Variants in NDST4 observed in about 807,000 individuals in gnomAD.
The protein encoded by NDST4 is N-deacetylase and N-sulfotransferase 4.
A neutral mutation model predicts 100.8 loss-of-function variants in NDST4; 63 were observed. The observed-to-expected ratio is 0.62, with a 90% CI of 0.51 to 0.77. NDST4 has a LOEUF of 0.77. Ranked by LOEUF, NDST4 falls within the 30% of genes least tolerant of loss-of-function variation. The pLI, the probability that NDST4 is intolerant of heterozygous loss-of-function variation, is 0.00. For synonymous variants in NDST4, 377 were observed against 361.8 expected, an observed-to-expected ratio of 1.04 and a Z score of -0.48; for missense variants, 943 against 1,018.4, an observed-to-expected ratio of 0.93 and a Z score of 1.01.
chr4:115,053,208 A>G (rs1018380017), intron 2 of NDST4, among the ~76,000 whole-genome samples: 3 of 152,158 alleles, frequency 2.0e-5, no homozygotes, highest in Non-Finnish European at 4.4e-5. Context: ...GGCAATTTAA[A>G]TAAAATTGTG....
At chr4:115,079,530 C>T (rs1370706407) in intron 1 of NDST4, among the ~76,000 whole-genome samples, 7 of 152,046 alleles carry the variant, frequency 4.6e-5, no homozygotes, top group East Asian at 1.9e-4. Context: ...AAATAATTTT[C>T]GATTTCCCAG....
chr4:114,844,742 T>G (rs772688670), intron 10 of NDST4, among the ~76,000 whole-genome samples: 11 of 152,228 alleles, frequency 7.2e-5, no homozygotes, highest in Non-Finnish European at 1.2e-4. Flanking sequence ...TGCAGAATAT[T>G]CCATTTTAGT....
chr4:115,054,710 G>C (rs1728656567), intron 2 of NDST4, among the ~76,000 whole-genome samples: 1 of 152,212 alleles, frequency 6.6e-6, no homozygotes, highest in Admixed American at 6.5e-5. Flanking sequence ...ATGGCAGTCA[G>C]TGATGCACTA....
At chr4:114,830,136 A>G (rs886330232) in intron 12 of NDST4, among the ~76,000 whole-genome samples, 1 of 152,328 alleles carries the variant, frequency 6.6e-6, no homozygotes, top group African/African-American at 2.4e-5. Context: ...TTACTTTTAC[A>G]TGAACATTTT....
intron 2 of NDST4, among the ~76,000 whole-genome samples, chr4:114,998,194 T>G (rs2126254640): frequency 6.6e-6 from 1 of 152,244 alleles, no homozygotes; most frequent in African/African-American, 2.4e-5. Flanking sequence ...TCCACAAAAC[T>G]TGGTGTTTGC....
chr4:114,936,453 A>C (rs533363743), intron 5 of NDST4, among the ~76,000 whole-genome samples: 2 of 152,306 alleles, frequency 1.3e-5, no homozygotes, highest in East Asian at 3.9e-4. Flanking sequence ...TAGATAGATA[A>C]ATAGATGATA....
chr4:114,890,771 C>G (rs184124071), intron 6 of NDST4, among the ~76,000 whole-genome samples: 2 of 152,068 alleles, frequency 1.3e-5, no homozygotes, highest in African/African-American at 4.8e-5. Flanking sequence ...TATTAATTAA[C>G]CATTCCCTGC....
intron 7 of NDST4, among the ~76,000 whole-genome samples, chr4:114,859,679 G>T (rs1723876162): frequency 6.6e-6 from 1 of 152,154 alleles, no homozygotes; most frequent in Non-Finnish European, 1.5e-5. Context: ...TCACTCTCAG[G>T]GGATAGCCCA....
At chr4:115,055,164 A>G (rs1326989208) in intron 2 of NDST4, among the ~76,000 whole-genome samples, 1 of 152,142 alleles carries the variant, frequency 6.6e-6, no homozygotes, top group Non-Finnish European at 1.5e-5. Flanking sequence ...ATGATCTGCC[A>G]CTGTCTCCCA....
intron 6 of NDST4, among the ~76,000 whole-genome samples, chr4:114,923,060 A>T (rs1483827415): frequency 6.6e-6 from 1 of 152,202 alleles, no homozygotes; most frequent in Non-Finnish European, 1.5e-5. Flanking sequence ...TGTAGGCATA[A>T]GAAGCTATAC....
chr4:115,051,543 C>T (rs1277628281), intron 2 of NDST4, among the ~76,000 whole-genome samples: 1 of 152,070 alleles, frequency 6.6e-6, no homozygotes, highest in Non-Finnish European at 1.5e-5. Context: ...GCTTATTTCA[C>T]TTAGCATAAT....
chr4:114,924,434 G>GAA (rs573486874), intron 6 of NDST4, among the ~76,000 whole-genome samples: 1 of 116,258 alleles, frequency 8.6e-6, no homozygotes, highest in Non-Finnish European at 1.8e-5. Context: ...TTTAAGGATA[G>GAA]AAAAAAAAAA....
At chr4:114,861,419 C>T (rs913049620) in intron 7 of NDST4, among the ~76,000 whole-genome samples, 4 of 152,064 alleles carry the variant, frequency 2.6e-5, no homozygotes, top group Non-Finnish European at 1.5e-5. Context: ...TTATTTGATT[C>T]CACATTTGCC....
intron 2 of NDST4, among the ~76,000 whole-genome samples, chr4:115,064,663 C>T (rs1728894361): frequency 6.6e-6 from 1 of 152,026 alleles, no homozygotes; most frequent in Non-Finnish European, 1.5e-5. Flanking sequence ...ATGCTTTCTT[C>T]CTTATAACCA....
chr4:115,036,618 T>C (rs961781853), intron 2 of NDST4, among the ~76,000 whole-genome samples: 1 of 151,944 alleles, frequency 6.6e-6, no homozygotes, highest in Non-Finnish European at 1.5e-5. Flanking sequence ...GGTCATATAA[T>C]GCACAGATGT....
intron 1 of NDST4, among the ~76,000 whole-genome samples, chr4:115,111,095 C>T (rs993127568): frequency 2.6e-5 from 4 of 151,954 alleles, no homozygotes; most frequent in Non-Finnish European, 5.9e-5. Context: ...AAATGATGCA[C>T]ACAAAGTTTG....
chr4:115,078,562 G>A (rs1481778351), intron 1 of NDST4, among the ~76,000 whole-genome samples: 1 of 152,058 alleles, frequency 6.6e-6, no homozygotes, highest in Non-Finnish European at 1.5e-5. Flanking sequence ...TGATGATTTA[G>A]GGTATCTGGT....
At chr4:115,100,033 A>G (rs1333658644) in intron 1 of NDST4, among the ~76,000 whole-genome samples, 1 of 152,120 alleles carries the variant, frequency 6.6e-6, no homozygotes, top group Admixed American at 6.6e-5. Context: ...CATAAAATGC[A>G]TATTAGTAAG....
At chr4:114,833,001 C>G (rs1309283937) in intron 12 of NDST4, among the ~76,000 whole-genome samples, 1 of 152,148 alleles carries the variant, frequency 6.6e-6, no homozygotes, top group Non-Finnish European at 1.5e-5. Context: ...GGCTGTGGCT[C>G]TAAACATCAT....
Sources: gnomAD v4.1 joint callset for allele counts (sites outside exome capture counted in the v4.1 genomes callset) on GRCh38, gnomAD v4.1.1 for gene constraint, MANE v1.5 for transcripts, NCBI Gene and HGNC (gene_info 2026-07-23, HGNC 2026-07-21) for gene names.